MAD1L1: variants seen among roughly 807,000 people sequenced by gnomAD.
The protein encoded by MAD1L1 is mitotic spindle assembly checkpoint protein MAD1.
A neutral mutation model predicts 96.9 loss-of-function variants in MAD1L1; 95 were observed. That is an observed-to-expected ratio of 0.98 (90% confidence interval 0.83 to 1.16). The LOEUF (loss-of-function observed/expected upper bound fraction) is 1.16. Among genes scored for constraint, MAD1L1 ranks in the 50% most tolerant of loss-of-function variants. The pLI is 0.00. For missense variants in MAD1L1, 1,007 were observed against 954.4 expected (o/e 1.06, Z -0.73); for synonymous variants, 473 against 396.6 (o/e 1.19, Z -2.29).
At chr7:1,862,105 C>A (rs1156441382) in intron 18 of MAD1L1, among the ~76,000 whole-genome samples, 1 of 152,206 alleles carries the variant, frequency 6.6e-6, no homozygotes. Context: ...CCATTTCCTC[C>A]ACAGAGAAAC....
chr7:2,217,019 A>G (rs1183088399), intron 7 of MAD1L1, among the ~76,000 whole-genome samples: 1 of 152,022 alleles, frequency 6.6e-6, no homozygotes, highest in African/African-American at 2.4e-5. Flanking sequence ...TGCTGTGCTC[A>G]CCACCTGCCC....
intron 15 of MAD1L1, among the ~76,000 whole-genome samples, chr7:1,966,134 C>T (rs1029846110): frequency 2.8e-4 from 42 of 152,256 alleles, no homozygotes; most frequent in African/African-American, 8.0e-4. Flanking sequence ...AGGCCAGGAG[C>T]GCTGCCAAGG....
chr7:2,179,615 C>G, intron 10 of MAD1L1, among the ~76,000 whole-genome samples: 1 of 151,904 alleles, frequency 6.6e-6, no homozygotes, highest in East Asian at 1.9e-4. Flanking sequence ...AATACCATTC[C>G]CAAAGAAGAG....
intron 18 of MAD1L1, among the ~76,000 whole-genome samples, chr7:1,884,405 C>T (rs907285862): frequency 6.6e-6 from 1 of 152,202 alleles, no homozygotes; most frequent in Non-Finnish European, 1.5e-5. Flanking sequence ...CCCTGGACTC[C>T]TGCAGCCTCA....
chr7:2,028,502 T>C (rs1348761130), intron 12 of MAD1L1, among the ~76,000 whole-genome samples: 2 of 152,036 alleles, frequency 1.3e-5, no homozygotes, highest in East Asian at 1.9e-4. Flanking sequence ...GATTCAATAT[T>C]GTGCAGATGT....
At chr7:2,145,445 G>C (rs999162334) in intron 11 of MAD1L1, among the ~76,000 whole-genome samples, 8 of 152,208 alleles carry the variant, frequency 5.3e-5, no homozygotes, top group Non-Finnish European at 1.2e-4. Flanking sequence ...TCCTAAGAGC[G>C]CAGAAACATT....
chr7:2,207,413 C>T (rs1266806906), intron 10 of MAD1L1, among the ~76,000 whole-genome samples: 2 of 152,032 alleles, frequency 1.3e-5, no homozygotes, highest in African/African-American at 2.4e-5. Flanking sequence ...ACTTTGAGTC[C>T]CACCCCTCAA....
Position 1,898,803 on chromosome 7 carries a change from G to A in MAD1L1, c.1808-413C>T, listed in dbSNP as rs146346194. Among the ~76,000 whole-genome samples, 247 of 152,278 alleles carry A rather than the reference G, an allele frequency of 1.6e-3. 2 individuals are homozygous for A. Among genetic ancestry groups the A allele is most frequent in the African/African-American group, 5.3e-3 (222 of 41,558 alleles). On this transcript the variant is annotated intron_variant, in intron 17 of 18. Coordinates refer to ENST00000265854, the MANE Select transcript of MAD1L1 (RefSeq NM_001013836.2). ...CGGGGTTCGCTTGCCCCAACACTCC[G>A]GGGATTTAGGCGAGAACCGCGTGAG...
At chr7:2,026,012 G>A (rs1782981218) in intron 12 of MAD1L1, among the ~76,000 whole-genome samples, 1 of 149,950 alleles carries the variant, frequency 6.7e-6, no homozygotes, top group Admixed American at 6.6e-5. Context: ...GTTACAATTA[G>A]ATTAAATATT....
chr7:2,014,222 T>A (rs1459812589), intron 13 of MAD1L1, among the ~76,000 whole-genome samples: 1 of 152,126 alleles, frequency 6.6e-6, no homozygotes, highest in Non-Finnish European at 1.5e-5. Flanking sequence ...GAGGCGGTCC[T>A]AACCAGTCAA....
At chr7:2,105,026 T>G (rs1787016094) in intron 11 of MAD1L1, among the ~76,000 whole-genome samples, 1 of 152,168 alleles carries the variant, frequency 6.6e-6, no homozygotes, top group Admixed American at 6.5e-5. Context: ...GCCTGAGGGC[T>G]GACCCACCCA....
At chr7:1,952,592 G>T (rs1259812313) in intron 16 of MAD1L1, among the ~76,000 whole-genome samples, 1 of 152,238 alleles carries the variant, frequency 6.6e-6, no homozygotes, top group Non-Finnish European at 1.5e-5. Context: ...GGTGCGTGAA[G>T]GTGGCTCACG....
At chr7:2,209,747 C>A (rs375762996) in intron 10 of MAD1L1, among the ~76,000 whole-genome samples, 2 of 152,296 alleles carry the variant, frequency 1.3e-5, no homozygotes, top group East Asian at 3.9e-4. Context: ...GGCAAGCAGA[C>A]GCCAGCCCAC....
In MAD1L1 at chr7:2,151,815, C is replaced by T. The variant is rs1312506398; in HGVS notation, c.987-2577G>A. Reference sequence around the variant, plus strand: ...CAGAGCTCTCTTCTGAAGTGCTGGGCGCCCACAGATGGCACACGCACCAGG... The same window carrying T: ...CAGAGCTCTCTTCTGAAGTGCTGGGTGCCCACAGATGGCACACGCACCAGG... On this transcript the variant is annotated intron_variant, in intron 10 of 18. Coordinates refer to ENST00000265854, the MANE Select transcript of MAD1L1 (RefSeq NM_001013836.2). Among the ~76,000 whole-genome samples the T allele has an allele frequency of 4.6e-5, 7 of 152,172 alleles. No individual in the cohort carries two copies. In the South Asian group the frequency reaches 6.2e-4, roughly 13 times the overall value.
intron 18 of MAD1L1, chr7:1,829,663 A>C (rs545880824): frequency 1.3e-5 from 2 of 148,534 alleles, no homozygotes; most frequent in African/African-American, 4.9e-5. Context: ...ATTTTCTGAA[A>C]TGTGTGGAAA....
At chr7:2,096,239 CG>C (rs1335539003) in intron 11 of MAD1L1, among the ~76,000 whole-genome samples, 2 of 152,190 alleles carry the variant, frequency 1.3e-5, no homozygotes, top group Non-Finnish European at 2.9e-5. Flanking sequence ...TCGTCCTCGT[CG>C]GACACAAGGG....
Position 2,194,029 on chromosome 7 carries a change from G to A in MAD1L1, c.986+19183C>T, listed in dbSNP as rs527970944. On this transcript the variant is annotated intron_variant, in intron 10 of 18. Coordinates refer to ENST00000265854, the MANE Select transcript of MAD1L1 (RefSeq NM_001013836.2). ...CATGATCTCGGCTCACTGCAGCCTC[G>A]GCCTCCTGGGCTCAGGTGATCCTCC... Among the ~76,000 whole-genome samples, 797 of 136,478 alleles carry A rather than the reference G, an allele frequency of 5.8e-3. 9 individuals carry two copies. Among genetic ancestry groups the A allele is most frequent in the African/African-American group, 0.018 (677 of 37,690 alleles). 89.5% of individuals were successfully genotyped at this position (136,478 alleles called of 152,430 possible).
At chr7:2,176,362 TAAATA>T (rs917744254) in intron 10 of MAD1L1, among the ~76,000 whole-genome samples, 1 of 151,572 alleles carries the variant, frequency 6.6e-6, no homozygotes, top group African/African-American at 2.4e-5. Flanking sequence ...AAAAAATAAA[TAAATA>T]AAAGAGTGAA....
chr7:2,079,151 C>T (rs529519759), intron 11 of MAD1L1, among the ~76,000 whole-genome samples: 1 of 152,334 alleles, frequency 6.6e-6, no homozygotes, highest in South Asian at 2.1e-4. Flanking sequence ...GGCCGGGCAG[C>T]CGCACTCAGT....
Sources: gnomAD v4.1 joint callset for allele counts (sites outside exome capture counted in the v4.1 genomes callset) on GRCh38, gnomAD v4.1.1 for gene constraint, MANE v1.5 for transcripts, NCBI Gene and HGNC (gene_info 2026-07-23, HGNC 2026-07-21) for gene names.